EIF3D: variants seen among roughly 807,000 people sequenced by gnomAD.
EIF3D encodes eukaryotic translation initiation factor 3 subunit D.
Under a neutral mutation model 75.4 loss-of-function variants are expected in EIF3D, and 10 were observed. That is an observed-to-expected ratio of 0.13 (90% CI 0.08 to 0.22). The LOEUF (loss-of-function observed/expected upper bound fraction) is 0.22. Ranked by LOEUF, EIF3D falls within the 10% of genes least tolerant of loss-of-function variation. The probability of loss-of-function intolerance (pLI) is 1.00; values close to 1 mark genes in which losing one functional copy is unlikely to be tolerated. For synonymous variants in EIF3D, 246 were observed against 248.3 expected (o/e 0.99, Z 0.09); for missense variants, 394 against 708.0 (o/e 0.56, Z 5.03).
chr22:36,516,685 C>G lies in EIF3D; in HGVS notation c.1076+20G>C. 1 of 1,614,126 alleles carries G rather than the reference C, an allele frequency of 6.2e-7. No homozygotes were observed. Among genetic ancestry groups the G allele is most frequent in the Non-Finnish European group, 8.5e-7 (1 of 1,179,942 alleles). The stretch of plus-strand genomic sequence containing the variant: ...CCGTGCTCCAGTCTGGCCACAATAC[C>G]CACCAGAGAGGTGACCTACCGGTAC... On this transcript the variant is annotated intron_variant, in intron 11 of 14. Transcript: ENST00000216190.
chr22:36,527,962 G>C (rs910639044), intron 1 of EIF3D, among the ~76,000 whole-genome samples: 1 of 152,208 alleles, frequency 6.6e-6, no homozygotes, highest in African/African-American at 2.4e-5. Flanking sequence ...GATGAACCTA[G>C]AAGTTTCATC....
chr22:36,523,778 G>C (rs1934552976), intron 5 of EIF3D, 117 bp downstream of exon 5: 1 of 974,356 alleles, frequency 1.0e-6, no homozygotes, highest in African/African-American at 1.6e-5. Flanking sequence ...GTTGTAGAAA[G>C]TATTTTCCTT....
chr22:36,516,274 T>C (rs1203941391), intron 12 of EIF3D: 4 of 569,058 alleles, frequency 7.0e-6, no homozygotes, highest in Admixed American at 3.4e-5. Context: ...ACACTTAACA[T>C]AGTTCTACAC....
intron 12 of EIF3D, chr22:36,513,001 G>A (rs1934366583): frequency 6.2e-6 from 1 of 162,494 alleles, no homozygotes; most frequent in Non-Finnish European, 1.3e-5. Context: ...AAGTGCAGGT[G>A]TAGCCAGGAG....
Position 36,525,723 on chromosome 22 carries a change from G to A in EIF3D, c.124-14C>T. ...CCAGTCTGCAACCTACGAAGAACAAGAAAAGACAGAGAATGCACAGGTCAA... is the reference window on the plus strand; with the variant it reads ...CCAGTCTGCAACCTACGAAGAACAAAAAAAGACAGAGAATGCACAGGTCAA... On this transcript the variant is annotated splice_polypyrimidine_tract_variant and intron_variant, in intron 2 of 14. Coordinates refer to ENST00000216190, the MANE Select transcript of EIF3D (RefSeq NM_003753.4). The A allele has an allele frequency of 6.2e-7, 1 of 1,609,886 alleles. No homozygotes were observed. The highest frequency in any genetic ancestry group is 1.1e-5 in the South Asian group (1 of 89,872).
chr22:36,513,765 G>A (rs565440082), intron 12 of EIF3D, among the ~76,000 whole-genome samples: 2 of 152,300 alleles, frequency 1.3e-5, no homozygotes, highest in East Asian at 3.9e-4. Flanking sequence ...AAGCTGGTGA[G>A]TTCAGGATTT....
chr22:36,512,346 T>G, intron 13 of EIF3D, 114 bp downstream of exon 13: 10 of 1,459,736 alleles, frequency 6.9e-6, no homozygotes, highest in South Asian at 1.3e-5. Context: ...ACCCCACCCC[T>G]GGATTTATCT....
At chr22:36,526,210 A>G in intron 1 of EIF3D, 79 bp from the exon 2 acceptor site, 1 of 1,416,190 alleles carries the variant, frequency 7.1e-7, no homozygotes, top group East Asian at 2.5e-5. Flanking sequence ...GAAGTAAGCA[A>G]AGACATAAAT....
chr22:36,512,002 T>C (rs1934346719), intron 13 of EIF3D, among the ~76,000 whole-genome samples: 1 of 151,680 alleles, frequency 6.6e-6, no homozygotes, highest in African/African-American at 2.4e-5. Flanking sequence ...ACCATTCTCC[T>C]GCCTCAGCCC....
At chr22:36,526,263 G>T in intron 1 of EIF3D, 132 bp from the exon 2 acceptor site, 1 of 922,858 alleles carries the variant, frequency 1.1e-6, no homozygotes. Context: ...ACCCTCAACT[G>T]TTGAGCGACT....
chr22:36,519,582 C>A (rs764114635), intron 7 of EIF3D, 45 bp from the exon 8 acceptor site: 2 of 1,607,072 alleles, frequency 1.2e-6, no homozygotes, highest in South Asian at 2.2e-5. Flanking sequence ...GAGAGATAAC[C>A]CCCAGTTTTT....
intron 3 of EIF3D, 32 bp from the exon 4 acceptor site, chr22:36,524,764 G>A (rs1401970937): frequency 3.7e-6 from 6 of 1,614,064 alleles, no homozygotes; most frequent in East Asian, 2.2e-5. Flanking sequence ...TGTAGTAACT[G>A]CACCCACAGA....
intron 13 of EIF3D, among the ~76,000 whole-genome samples, chr22:36,512,176 C>A (rs996083108): frequency 3.3e-5 from 5 of 152,142 alleles, no homozygotes; most frequent in African/African-American, 9.7e-5. Context: ...AGGCATGAGC[C>A]ACCGCGCCCG....
At chr22:36,515,594 A>C (rs919162050) in intron 12 of EIF3D, among the ~76,000 whole-genome samples, 11 of 152,312 alleles carry the variant, frequency 7.2e-5, no homozygotes, top group African/African-American at 2.6e-4. Context: ...AGTTTCTGTT[A>C]ATTTGTTATG....
At chr22:36,516,814 G>C (rs370408101) in intron 10 of EIF3D, 24 bp from the exon 11 acceptor site, 7 of 1,608,272 alleles carry the variant, frequency 4.4e-6, no homozygotes, top group African/African-American at 2.7e-5. Context: ...GGTGTCACAA[G>C]ACAGAGCTAA....
rs1394253834 is a variant in EIF3D at position 36,526,113 on chromosome 22, C to T, written c.9G>A (p.Lys3=). The T allele has an allele frequency of 1.0e-5, 16 of 1,604,216 alleles. No homozygotes were observed. The highest frequency in any genetic ancestry group is 1.2e-5 in the Non-Finnish European group (14 of 1,174,834). MA[K]FMTPVIQDNP... ...TGTCCTGGATCACGGGTGTCATGAA[C>T]TTTGCCATCTTCCAAAATCTGAAAA... The change falls in exon 2 of 15, where the codon AAG becomes AAA. Residue 3 remains lysine, a synonymous_variant. Transcript: ENST00000216190.
At chr22:36,520,504 A>T in intron 7 of EIF3D, 72 bp downstream of exon 7, 1 of 1,079,920 alleles carries the variant, frequency 9.3e-7, no homozygotes, top group Non-Finnish European at 1.4e-6. Context: ...ACTAGGGCTT[A>T]AGAAAATACC....
At chr22:36,523,710 C>T (rs187263162) in intron 5 of EIF3D, among the ~76,000 whole-genome samples, 185 bp downstream of exon 5, 1 of 152,270 alleles carries the variant, frequency 6.6e-6, no homozygotes, top group African/African-American at 2.4e-5. Flanking sequence ...TAGTTTCCTG[C>T]CCATGCTATC....
intron 3 of EIF3D, 87 bp downstream of exon 3, chr22:36,525,577 C>A: frequency 7.0e-7 from 1 of 1,435,720 alleles, no homozygotes; most frequent in South Asian, 1.2e-5. Flanking sequence ...TCTTCCCATT[C>A]TAAAAAGCTT....
Sources: gnomAD v4.1 joint callset for allele counts (sites outside exome capture counted in the v4.1 genomes callset) on GRCh38, gnomAD v4.1.1 for gene constraint, MANE v1.5 for transcripts, NCBI Gene and HGNC (gene_info 2026-07-23, HGNC 2026-07-21) for gene names.